Variants in CNTNAP2 observed in about 807,000 individuals in gnomAD.
CNTNAP2 encodes contactin-associated protein-like 2.
Under a neutral mutation model 155.2 loss-of-function variants are expected in CNTNAP2, and 98 were observed. The observed-to-expected ratio is 0.63, with a 90% CI of 0.54 to 0.75. The LOEUF (loss-of-function observed/expected upper bound fraction) is 0.75. Among genes scored for constraint, CNTNAP2 ranks in the 30% least tolerant of loss-of-function variants. CNTNAP2 has a pLI of 0.00. For missense variants in CNTNAP2, 1,727 were observed against 1,688.1 expected (o/e 1.02, Z -0.40); for synonymous variants, 651 against 631.2 (o/e 1.03, Z -0.47).
chr7:146,664,501 C>T (rs528939373), intron 1 of CNTNAP2, among the ~76,000 whole-genome samples: 10 of 152,048 alleles, frequency 6.6e-5, no homozygotes, highest in East Asian at 3.9e-4. Context: ...CACTGCATTC[C>T]GGACAAAACT....
At chr7:146,696,500 C>CTA (rs1262899994) in intron 1 of CNTNAP2, among the ~76,000 whole-genome samples, 2 of 152,084 alleles carry the variant, frequency 1.3e-5, no homozygotes, top group Non-Finnish European at 2.9e-5. Context: ...ATTTACTCTA[C>CTA]TAATTTCCTG....
chr7:148,068,168 C>T (rs577397458), intron 15 of CNTNAP2, among the ~76,000 whole-genome samples: 1 of 152,272 alleles, frequency 6.6e-6, no homozygotes, highest in South Asian at 2.1e-4. Flanking sequence ...CACCCCCTAC[C>T]CCACCCCTGC....
At chr7:147,097,304 C>G (rs935919655) in intron 4 of CNTNAP2, 1 of 152,134 alleles carries the variant, frequency 6.6e-6, no homozygotes, top group Non-Finnish European at 1.5e-5. Context: ...GGTGTTTGTT[C>G]ATGTACATAT....
chr7:146,718,947 A>G (rs1029432211), intron 1 of CNTNAP2, among the ~76,000 whole-genome samples: 10 of 152,132 alleles, frequency 6.6e-5, no homozygotes, highest in Admixed American at 2.0e-4. Flanking sequence ...TTCTTTTACA[A>G]TTATGTCCAA....
At chr7:146,574,567 C>T (rs115179232) in intron 1 of CNTNAP2, among the ~76,000 whole-genome samples, 2,201 of 152,024 alleles carry the variant, frequency 0.014, 46 homozygotes, top group African/African-American at 0.048. Flanking sequence ...TGGGAGTTCT[C>T]GTGCGTGCCT....
rs1388530831 is a variant in CNTNAP2 at position 148,062,028 on chromosome 7, A to AGAGAGAGT, written c.2384-56089_2384-56088insAGAGAGTG. 1.8e-3 allele frequency among the ~76,000 whole-genome samples: 190 copies of AGAGAGAGT among 105,954 alleles called. 9 individuals are homozygous for AGAGAGAGT. The highest frequency in any genetic ancestry group is 4.3e-3 in the Admixed American group (41 of 9,564). The allele number at this position is 105,954 out of a possible 152,430, so 69.5% of individuals were successfully genotyped here. A position where few individuals can be genotyped will look rare whatever the true frequency, so the allele number is the denominator to read the frequency against. On this transcript the variant is annotated intron_variant, in intron 15 of 23. Coordinates refer to ENST00000361727, the MANE Select transcript of CNTNAP2 (RefSeq NM_014141.6). ...ATAGATGATAGAGAGAGAGAGAGAG[A>AGAGAGAGT]GTGTGTGTGTGTGTGTGTGTGTGTG...
intron 3 of CNTNAP2, among the ~76,000 whole-genome samples, chr7:146,933,279 T>G (rs1268331785): frequency 6.6e-6 from 1 of 152,010 alleles, no homozygotes; most frequent in African/African-American, 2.4e-5. Context: ...TCAGAAATAA[T>G]GTCGCATATC....
chr7:146,420,776 A>G (rs190251376), intron 1 of CNTNAP2, among the ~76,000 whole-genome samples: 4 of 152,246 alleles, frequency 2.6e-5, no homozygotes, highest in African/African-American at 9.6e-5. Flanking sequence ...ATTGAGTTAT[A>G]TAAGACACAT....
chr7:146,499,979 A>G (rs923717182), intron 1 of CNTNAP2, among the ~76,000 whole-genome samples: 1 of 152,104 alleles, frequency 6.6e-6, no homozygotes, highest in Non-Finnish European at 1.5e-5. Context: ...TCTTTTTTAT[A>G]TCATTGTAAG....
At chr7:146,154,633 A>G (rs1798097881) in intron 1 of CNTNAP2, among the ~76,000 whole-genome samples, 1 of 152,180 alleles carries the variant, frequency 6.6e-6, no homozygotes, top group Admixed American at 6.5e-5. Context: ...GAGTCTCACA[A>G]AGCATTTACA....
intron 1 of CNTNAP2, among the ~76,000 whole-genome samples, chr7:146,357,802 A>C (rs934168254): frequency 6.6e-6 from 1 of 152,026 alleles, no homozygotes; most frequent in Non-Finnish European, 1.5e-5. Context: ...CATCAGAATC[A>C]AAAATTGATC....
chr7:146,431,977 C>T (rs1166675042), intron 1 of CNTNAP2, among the ~76,000 whole-genome samples: 1 of 152,086 alleles, frequency 6.6e-6, no homozygotes, highest in Non-Finnish European at 1.5e-5. Context: ...CATAAATGCT[C>T]AATCATTAAA....
At chr7:147,020,700 T>C (rs563905327) in intron 3 of CNTNAP2, among the ~76,000 whole-genome samples, 6 of 152,296 alleles carry the variant, frequency 3.9e-5, no homozygotes, top group South Asian at 4.1e-4. Context: ...TATTGTGTCA[T>C]CAACAACAGG....
chr7:146,216,627 G>C (rs1317619858), intron 1 of CNTNAP2, among the ~76,000 whole-genome samples: 1 of 152,142 alleles, frequency 6.6e-6, no homozygotes, highest in Non-Finnish European at 1.5e-5. Context: ...CTCTTCTCCT[G>C]CTCCTCTTTT....
At chr7:146,835,237 T>G (rs115850455) in intron 2 of CNTNAP2, among the ~76,000 whole-genome samples, 2,037 of 152,234 alleles carry the variant, frequency 0.013, 35 homozygotes, top group African/African-American at 0.046. Context: ...CTGAAGAAAA[T>G]TTATTCTGGA....
intron 15 of CNTNAP2, among the ~76,000 whole-genome samples, chr7:147,989,018 G>A (rs1446982564): frequency 6.6e-6 from 1 of 152,198 alleles, no homozygotes; most frequent in Non-Finnish European, 1.5e-5. Flanking sequence ...TTAACAAAGT[G>A]GAGGAGATTA....
At position 147,789,360 on chromosome 7, in the gene CNTNAP2, A is replaced by G. The variant is rs546033381; in HGVS notation, c.2099-114205A>G. The stretch of plus-strand genomic sequence containing the variant: ...CTTGGCTGGTCGTTCTATTTACTAC[A>G]TGGCAGAATATTTTATTTTCTAAAA... On this transcript the variant is annotated intron_variant, in intron 13 of 23. Transcript: ENST00000361727. 1.1e-4 allele frequency among the ~76,000 whole-genome samples: 17 copies of G among 152,256 alleles called. 1 individual carries two copies. The South Asian group carries it at 2.1e-3, about 19-fold the overall frequency.
At chr7:146,930,426 C>A (rs1169105327) in intron 3 of CNTNAP2, among the ~76,000 whole-genome samples, 1 of 152,018 alleles carries the variant, frequency 6.6e-6, no homozygotes, top group Non-Finnish European at 1.5e-5. Flanking sequence ...CCTAAAAGAG[C>A]TCCTGAAGGA....
intron 1 of CNTNAP2, among the ~76,000 whole-genome samples, chr7:146,286,837 G>A (rs1275898855): frequency 6.6e-6 from 1 of 152,132 alleles, no homozygotes; most frequent in Non-Finnish European, 1.5e-5. Context: ...TGAGCACAGT[G>A]GCTCAGGCCT....
Sources: gnomAD v4.1 joint callset for allele counts (sites outside exome capture counted in the v4.1 genomes callset) on GRCh38, gnomAD v4.1.1 for gene constraint, MANE v1.5 for transcripts, NCBI Gene and HGNC (gene_info 2026-07-23, HGNC 2026-07-21) for gene names.